Variants in LRRC40 observed in about 807,000 individuals in gnomAD.
LRRC40 encodes leucine rich repeat containing 40.
In LRRC40, 76 loss-of-function variants were observed where a neutral mutation model predicts 72.8. That is an observed-to-expected ratio of 1.04 (90% CI 0.87 to 1.26). The LOEUF is 1.26. Among genes scored for constraint, LRRC40 ranks in the 50% most tolerant of loss-of-function variants. The pLI is 0.00. For synonymous variants in LRRC40, 243 were observed against 254.2 expected, an observed-to-expected ratio of 0.96 and a Z score of 0.42; for missense variants, 684 against 698.9, an observed-to-expected ratio of 0.98 and a Z score of 0.24.
At chr1:70,201,070 A>T (rs1272905709) in intron 1 of LRRC40, among the ~76,000 whole-genome samples, 1 of 152,182 alleles carries the variant, frequency 6.6e-6, no homozygotes, top group Non-Finnish European at 1.5e-5. Context: ...TGACAGGCTG[A>T]GGAGGGAAGA....
At chr1:70,194,232 T>C (rs562969192) in intron 1 of LRRC40, among the ~76,000 whole-genome samples, 14 of 152,192 alleles carry the variant, frequency 9.2e-5, no homozygotes, top group Admixed American at 7.8e-4. Flanking sequence ...ATGCAATCAA[T>C]GAGTTTAGAA....
chr1:70,199,638 T>G (rs929790259), intron 1 of LRRC40, among the ~76,000 whole-genome samples: 8 of 152,216 alleles, frequency 5.3e-5, no homozygotes, highest in African/African-American at 1.9e-4. Context: ...CCTTATGATT[T>G]TCTTAATAAC....
intron 1 of LRRC40, among the ~76,000 whole-genome samples, chr1:70,194,533 CTAA>C (rs899415940): frequency 9.5e-4 from 145 of 152,136 alleles, no homozygotes; most frequent in African/African-American, 3.4e-3. Context: ...CAGCACAATC[CTAA>C]TAAAAATCCC....
intron 1 of LRRC40, among the ~76,000 whole-genome samples, chr1:70,195,613 A>G (rs764437544): frequency 1.3e-5 from 2 of 152,152 alleles, no homozygotes; most frequent in Non-Finnish European, 2.9e-5. Flanking sequence ...AGTTTGGTGA[A>G]TTCTTATAAT....
At chr1:70,155,131 TAAC>T (rs1667609078) in intron 11 of LRRC40, among the ~76,000 whole-genome samples, 1 of 151,986 alleles carries the variant, frequency 6.6e-6, no homozygotes, top group Admixed American at 6.6e-5. Context: ...TTGCTGTAAT[TAAC>T]AACAAAAAAT....
chr1:70,160,015 C>G (rs1667722566), intron 9 of LRRC40, among the ~76,000 whole-genome samples: 8 of 152,114 alleles, frequency 5.3e-5, no homozygotes. Context: ...CTCACACATT[C>G]ACGCACCATC....
At chr1:70,163,970 G>A (rs1414537382) in intron 9 of LRRC40, among the ~76,000 whole-genome samples, 1 of 152,210 alleles carries the variant, frequency 6.6e-6, no homozygotes, top group African/African-American at 2.4e-5. Flanking sequence ...TGAAGGCTGA[G>A]AAGTCTAAGA....
chr1:70,174,218 A>G (rs1326685877), intron 7 of LRRC40, among the ~76,000 whole-genome samples: 4 of 152,090 alleles, frequency 2.6e-5, no homozygotes, highest in Admixed American at 2.0e-4. Flanking sequence ...TATCAATAAA[A>G]TCTATTAAGC....
At chr1:70,191,231 A>G (rs1297112739) in intron 1 of LRRC40, among the ~76,000 whole-genome samples, 1 of 152,204 alleles carries the variant, frequency 6.6e-6, no homozygotes, top group Non-Finnish European at 1.5e-5. Flanking sequence ...GTATGTAGAA[A>G]AAGCTATGTG....
intron 1 of LRRC40, among the ~76,000 whole-genome samples, chr1:70,197,682 C>T (rs1001690825): frequency 1.3e-5 from 2 of 150,300 alleles, no homozygotes; most frequent in African/African-American, 2.4e-5. Flanking sequence ...ATGGGTTGAT[C>T]ACAGAGAACT....
chr1:70,187,267 G>C lies in LRRC40; in HGVS notation c.405C>G (p.Val135=), dbSNP rs779701801. Residue 135 remains valine (V), a splice_region_variant and synonymous_variant, in exon 3 of 15, where the codon GTC becomes GTG. Transcript: ENST00000370952. ...RELENLQKLN[V]SHNKLKILPE... is the part of the protein sequence containing the mutation. ...AAGTAAATAAGCTTAATTTTTACCT[G>C]ACATTAAGTTTCTGAAGATTTTCTA... 1 of 1,503,898 alleles carries C rather than the reference G, an allele frequency of 6.6e-7. No individual in the cohort carries two copies. The highest frequency in any genetic ancestry group is 1.4e-5 in the African/African-American group (1 of 72,562). The allele number at this position is 1,503,898 out of a possible 1,614,324, so 93.2% of individuals were successfully genotyped here.
intron 3 of LRRC40, among the ~76,000 whole-genome samples, chr1:70,186,428 T>C (rs1668360646): frequency 1.3e-5 from 2 of 152,186 alleles, no homozygotes; most frequent in Admixed American, 6.5e-5. Context: ...TGTATATATA[T>C]TTTCATTGGC....
intron 9 of LRRC40, among the ~76,000 whole-genome samples, chr1:70,169,062 A>T (rs1199353059): frequency 6.6e-6 from 1 of 152,172 alleles, no homozygotes; most frequent in African/African-American, 2.4e-5. Flanking sequence ...GCAACAATGA[A>T]AAGGGGTCCC....
chr1:70,155,751 T>C lies in LRRC40; in HGVS notation c.1266A>G (p.Val422=). 6.3e-7 allele frequency: 1 copy of C among 1,582,184 alleles called. No individual in the cohort carries two copies. The highest frequency in any genetic ancestry group is 8.6e-7 in the Non-Finnish European group (1 of 1,159,730). ...TAATAGAAGTGACGATGTTGCTTTT[T>C]ACTGCATCAAACACCTCATCAGGAA... ...TLIPDEVFDA[V]KSNIVTSINF... is the part of the protein sequence containing the mutation. The change falls in exon 11 of 15, where the codon GTA becomes GTG. Residue 422 remains valine (V), a synonymous_variant. Coordinates refer to ENST00000370952, the MANE Select transcript of LRRC40 (RefSeq NM_017768.5).
intron 12 of LRRC40, chr1:70,151,779 T>A (rs1203280829): frequency 6.6e-6 from 1 of 151,808 alleles, no homozygotes; most frequent in Non-Finnish European, 1.5e-5. Flanking sequence ...ATAAACAAAA[T>A]CTCATTTACT....
intron 9 of LRRC40, among the ~76,000 whole-genome samples, chr1:70,170,566 T>C (rs549848158): frequency 3.8e-4 from 58 of 152,278 alleles, no homozygotes; most frequent in African/African-American, 1.4e-3. Flanking sequence ...TCAAAAATCA[T>C]TGTATTCCTA....
At chr1:70,168,838 C>A (rs942350111) in intron 9 of LRRC40, among the ~76,000 whole-genome samples, 1 of 152,032 alleles carries the variant, frequency 6.6e-6, no homozygotes, top group Non-Finnish European at 1.5e-5. Context: ...AAGAAGGTAT[C>A]AAAAGAGAAA....
intron 4 of LRRC40, among the ~76,000 whole-genome samples, chr1:70,183,829 C>T (rs914247831): frequency 3.3e-5 from 5 of 152,310 alleles, no homozygotes; most frequent in African/African-American, 1.2e-4. Context: ...GACAGAATTA[C>T]AGGCACGAAC....
At chr1:70,148,889 GTTGCTATTTA>G (rs1243989607) in intron 13 of LRRC40, among the ~76,000 whole-genome samples, 1 of 152,140 alleles carries the variant, frequency 6.6e-6, no homozygotes, top group Non-Finnish European at 1.5e-5. Flanking sequence ...ACTTGTAACA[GTTGCTATTTA>G]TTGTATAAAA....
Sources: gnomAD v4.1 joint callset for allele counts (sites outside exome capture counted in the v4.1 genomes callset) on GRCh38, gnomAD v4.1.1 for gene constraint, MANE v1.5 for transcripts, NCBI Gene and HGNC (gene_info 2026-07-23, HGNC 2026-07-21) for gene names.